DACH1: variants seen among roughly 807,000 people sequenced by gnomAD.
The protein encoded by DACH1 is dachshund homolog 1.
Under a neutral mutation model 54.2 loss-of-function variants are expected in DACH1, and 12 were observed. The observed-to-expected ratio is 0.22, with a 90% CI of 0.14 to 0.36. The LOEUF is 0.36. DACH1 is among the 10% of genes least tolerant of loss of function. The pLI, the probability that DACH1 is intolerant of heterozygous loss-of-function variation, is 1.00. For missense variants in DACH1, 805 were observed against 929.8 expected, an observed-to-expected ratio of 0.87 and a Z score of 1.75; for synonymous variants, 386 against 366.2, an observed-to-expected ratio of 1.05 and a Z score of -0.62.
chr13:71,816,629 T>C (rs1436407536), intron 1 of DACH1, among the ~76,000 whole-genome samples: 13 of 23,004 alleles, frequency 5.7e-4, no homozygotes, highest in African/African-American at 1.3e-3. Flanking sequence ...CGTGTATATA[T>C]ACACACACAT....
intron 1 of DACH1, among the ~76,000 whole-genome samples, chr13:71,778,092 C>CAATA (rs369933133): frequency 0.019 from 2,618 of 138,906 alleles, 33 homozygotes; most frequent in East Asian, 0.037. Flanking sequence ...ACCCTGTCTA[C>CAATA]AATAAATAAA....
rs1555265525 is a variant in DACH1 at position 71,866,566 on chromosome 13, G to GTCC, written c.203_204insGGA (p.Ala68_Thr69insAsp). Reference sequence around the variant, plus strand: ...CGCCGCCGCCGGTAGAGGTGACTGTGGCCGCCGCCGCCGCCGCCGAAGCGA... The same window carrying GTCC: ...CGCCGCCGCCGGTAGAGGTGACTGTGTCCGCCGCCGCCGCCGCCGCCGAAGCGA... On this transcript the variant is annotated inframe_insertion, in exon 1 of 11. Coordinates refer to ENST00000613252, the MANE Select transcript of DACH1 (RefSeq NM_080759.6). The GTCC allele has an allele frequency of 2.6e-5, 33 of 1,256,210 alleles. No homozygotes were observed. The Admixed American group carries it at 8.3e-4, about 32-fold the overall frequency. The allele number at this position is 1,256,210 out of a possible 1,614,324, so 77.8% of individuals were successfully genotyped here. A position where few individuals can be genotyped will look rare whatever the true frequency, so the allele number is the denominator to read the frequency against.
rs534859645 is a variant in DACH1 at position 71,562,543 on chromosome 13, C to A, written c.1300-2588G>T. On this transcript the variant is annotated intron_variant, in intron 4 of 10. Coordinates refer to ENST00000613252, the MANE Select transcript of DACH1 (RefSeq NM_080759.6). ...GATACTACAGAAAGATGGCATCCAA[C>A]TTTACAGTTTGCAGATTAAGATATT... is the stretch of plus-strand genomic sequence containing the variant. 2.6e-5 allele frequency among the ~76,000 whole-genome samples: 4 copies of A among 152,186 alleles called. No individual in the cohort carries two copies. In the South Asian group the frequency reaches 8.3e-4, roughly 32 times the overall value.
At chr13:71,625,106 CT>C (rs1301861271) in intron 3 of DACH1, among the ~76,000 whole-genome samples, 1 of 151,914 alleles carries the variant, frequency 6.6e-6, no homozygotes, top group Non-Finnish European at 1.5e-5. Flanking sequence ...AGCCAATCTT[CT>C]TTTTAAACTT....
chr13:71,478,662 T>G (rs1877781235), intron 8 of DACH1, among the ~76,000 whole-genome samples: 3 of 152,206 alleles, frequency 2.0e-5, no homozygotes. Flanking sequence ...CCTTGTTGGA[T>G]GAAAATGAGG....
intron 1 of DACH1, among the ~76,000 whole-genome samples, chr13:71,722,702 C>T (rs1594137225): frequency 6.6e-6 from 1 of 152,128 alleles, no homozygotes; most frequent in East Asian, 1.9e-4. Context: ...CAGTATCATT[C>T]AGTTTCAAAA....
chr13:71,648,284 A>G (rs917086732), intron 2 of DACH1, among the ~76,000 whole-genome samples: 2 of 152,106 alleles, frequency 1.3e-5, no homozygotes, highest in African/African-American at 4.8e-5. Flanking sequence ...TGGTGGTAAC[A>G]TTTTCTCAAT....
At chr13:71,448,652 G>A (rs1028737730) in intron 10 of DACH1, among the ~76,000 whole-genome samples, 1 of 152,204 alleles carries the variant, frequency 6.6e-6, no homozygotes, top group Non-Finnish European at 1.5e-5. Context: ...TGAGACTGAT[G>A]TTCTGCACAG....
chr13:71,741,374 A>T (rs945177664), intron 1 of DACH1, among the ~76,000 whole-genome samples: 9 of 152,232 alleles, frequency 5.9e-5, no homozygotes, highest in Non-Finnish European at 8.8e-5. Flanking sequence ...CATTGATCAA[A>T]CAAGAACTTT....
chr13:71,566,722 A>G (rs1010683705), intron 4 of DACH1, among the ~76,000 whole-genome samples: 1 of 152,094 alleles, frequency 6.6e-6, no homozygotes, highest in African/African-American at 2.4e-5. Flanking sequence ...TTTCTTTTTT[A>G]GGTTAACATC....
intron 2 of DACH1, among the ~76,000 whole-genome samples, chr13:71,658,134 T>C (rs910084929): frequency 6.6e-5 from 10 of 152,206 alleles, no homozygotes; most frequent in Admixed American, 3.3e-4. Flanking sequence ...TTTGAAAATA[T>C]CATATCACAA....
chr13:71,543,166 T>C (rs1883244360), intron 6 of DACH1, among the ~76,000 whole-genome samples: 2 of 152,130 alleles, frequency 1.3e-5, no homozygotes, highest in Non-Finnish European at 2.9e-5. Flanking sequence ...ATTTAGGTTG[T>C]ATGTTTATTG....
chr13:71,832,494 G>C (rs1214071256), intron 1 of DACH1, among the ~76,000 whole-genome samples: 1 of 151,830 alleles, frequency 6.6e-6, no homozygotes, highest in Non-Finnish European at 1.5e-5. Flanking sequence ...TGTTTTAATA[G>C]TAAATTTTCA....
intron 10 of DACH1, among the ~76,000 whole-genome samples, chr13:71,474,765 A>AGAC (rs1256952967): frequency 6.6e-6 from 1 of 152,172 alleles, no homozygotes; most frequent in Non-Finnish European, 1.5e-5. Context: ...GACATTTTTA[A>AGAC]ATTGTAAGAA....
At chr13:71,688,751 A>G (rs1187212973) in intron 1 of DACH1, among the ~76,000 whole-genome samples, 2 of 152,228 alleles carry the variant, frequency 1.3e-5, no homozygotes, top group Non-Finnish European at 2.9e-5. Context: ...CTCAACTATT[A>G]ACATGGCAGG....
At chr13:71,573,483 C>T (rs1338995311) in intron 3 of DACH1, 1 of 714,336 alleles carries the variant, frequency 1.4e-6, no homozygotes, top group Non-Finnish European at 2.6e-6. Context: ...GCTACGTGCT[C>T]CAGGCATGCG....
chr13:71,490,419 G>A (rs1391551327), intron 6 of DACH1, among the ~76,000 whole-genome samples: 1 of 152,072 alleles, frequency 6.6e-6, no homozygotes, highest in African/African-American at 2.4e-5. Context: ...TAAACCAAAA[G>A]GAAAGAAAAG....
chr13:71,592,494 CAAAAAAAA>C (rs575364116), intron 3 of DACH1, among the ~76,000 whole-genome samples: 1 of 32,782 alleles, frequency 3.1e-5, no homozygotes, highest in African/African-American at 1.1e-4. Context: ...GACTCTATCT[CAAAAAAAA>C]AAAAAAAAAA....
chr13:71,538,189 G>T (rs557042399), intron 6 of DACH1, among the ~76,000 whole-genome samples: 1 of 151,972 alleles, frequency 6.6e-6, no homozygotes, highest in Non-Finnish European at 1.5e-5. Flanking sequence ...AAATGGAACC[G>T]ATTCAAATAA....
Sources: allele counts gnomAD v4.1 joint callset (sites outside exome capture counted in the v4.1 genomes callset), GRCh38; gene constraint gnomAD v4.1.1; transcripts MANE v1.5; gene names NCBI Gene and HGNC (gene_info 2026-07-23, HGNC 2026-07-21).